PDE1C: variants seen among roughly 807,000 people sequenced by gnomAD.
PDE1C encodes the protein phosphodiesterase 1C.
PDE1C carries 62 observed loss-of-function variants against 93.1 expected under a neutral mutation model. The ratio of observed to expected loss-of-function variants is 0.67; its 90% CI spans 0.54 to 0.82. PDE1C has a LOEUF of 0.82. Among genes scored for constraint, PDE1C ranks in the 40% least tolerant of loss-of-function variants. The pLI is 0.00. For synonymous variants in PDE1C, 325 were observed against 310.1 expected, an observed-to-expected ratio of 1.05 and a Z score of -0.50; for missense variants, 742 against 884.6, an observed-to-expected ratio of 0.84 and a Z score of 2.04.
chr7:31,673,748 T>C, the PDE1C span, among the ~76,000 whole-genome samples: 1 of 152,016 alleles, frequency 6.6e-6, no homozygotes, highest in African/African-American at 2.4e-5. Context: ...TATTCAGTTG[T>C]CTCAACATCA....
chr7:31,704,323 A>G, the PDE1C span, among the ~76,000 whole-genome samples: 1 of 152,114 alleles, frequency 6.6e-6, no homozygotes, highest in South Asian at 2.1e-4. Context: ...TGCATGAACT[A>G]TTTTAGATGG....
chr7:32,152,963 T>C (rs1160052695), intron 3 of PDE1C, among the ~76,000 whole-genome samples: 3 of 152,234 alleles, frequency 2.0e-5, no homozygotes, highest in South Asian at 2.1e-4. Context: ...TCATCATTTA[T>C]CAGCAGTCTA....
chr7:32,212,391 T>C (rs1806112322), intron 1 of PDE1C, among the ~76,000 whole-genome samples: 1 of 152,114 alleles, frequency 6.6e-6, no homozygotes, highest in Non-Finnish European at 1.5e-5. Flanking sequence ...TCCAGACCAG[T>C]GGGACACCAG....
At chr7:31,764,866 A>G (rs1332898980) in intron 17 of PDE1C, among the ~76,000 whole-genome samples, 1 of 152,196 alleles carries the variant, frequency 6.6e-6, no homozygotes, top group East Asian at 1.9e-4. Flanking sequence ...TAACCTTCAT[A>G]AATCTTCCAT....
chr7:31,866,014 A>G (rs1048597175), intron 6 of PDE1C, among the ~76,000 whole-genome samples: 1 of 152,152 alleles, frequency 6.6e-6, no homozygotes, highest in South Asian at 2.1e-4. Flanking sequence ...TGAAATATGT[A>G]TAATATACAT....
At chr7:32,084,850 G>A (rs562240723) in intron 3 of PDE1C, among the ~76,000 whole-genome samples, 1 of 143,804 alleles carries the variant, frequency 7.0e-6, no homozygotes, top group African/African-American at 2.6e-5. Context: ...CGCATTCAAA[G>A]CAGTGTGTAG....
chr7:32,331,004 C>G (rs1425107875), intron 1 of PDE1C, among the ~76,000 whole-genome samples: 1 of 151,978 alleles, frequency 6.6e-6, no homozygotes, highest in Non-Finnish European at 1.5e-5. Flanking sequence ...GCACTTCTGA[C>G]CAGCAATGTC....
At chr7:32,269,151 C>A (rs941450842) in intron 1 of PDE1C, among the ~76,000 whole-genome samples, 3 of 152,184 alleles carry the variant, frequency 2.0e-5, no homozygotes, top group Non-Finnish European at 4.4e-5. Context: ...CAGGAAGCAA[C>A]CTCAATGTTG....
the PDE1C span, among the ~76,000 whole-genome samples, chr7:31,667,128 G>A: frequency 2.0e-5 from 3 of 152,146 alleles, no homozygotes; most frequent in African/African-American, 7.2e-5. Context: ...GGTGACAGAA[G>A]ATGGGGGCAC....
At chr7:31,974,723 A>T (rs1457394669) in intron 2 of PDE1C, among the ~76,000 whole-genome samples, 1 of 152,206 alleles carries the variant, frequency 6.6e-6, no homozygotes, top group Admixed American at 6.5e-5. Context: ...ATGTAAAACT[A>T]AGGCCTTAAA....
rs751320538 is a variant in PDE1C, at chr7:31,841,227, C to CTCTCTA, written c.981-3257_981-3256insTAGAGA. Among the ~76,000 whole-genome samples, 1,220 of 142,274 alleles carry CTCTCTA rather than the reference C, an allele frequency of 8.6e-3. 7 individuals carry two copies. The highest frequency in any genetic ancestry group is 9.2e-3 in the Non-Finnish European group (609 of 66,216). The allele number at this position is 142,274 out of a possible 152,430, so 93.3% of individuals were successfully genotyped here. A position where few individuals can be genotyped will look rare whatever the true frequency, so the allele number is the denominator to read the frequency against. On this transcript the variant is annotated intron_variant, in intron 9 of 17. Coordinates refer to ENST00000396191, the MANE Select transcript of PDE1C (RefSeq NM_001191057.4). ...TCTCTCTGTCTCTCTCTCTCTCTCT[C>CTCTCTA]TATATATATATATATATGTATATGT...
At chr7:32,404,293 T>G (rs1162426002) in intron 1 of PDE1C, among the ~76,000 whole-genome samples, 1 of 152,204 alleles carries the variant, frequency 6.6e-6, no homozygotes, top group Non-Finnish European at 1.5e-5. Context: ...ATGGAAGCTG[T>G]TCATTGTGAT....
intron 1 of PDE1C, among the ~76,000 whole-genome samples, chr7:32,345,132 C>G (rs170011): frequency 0.8 from 121,720 of 152,084 alleles, 49,073 homozygotes; most frequent in Admixed American, 0.85. Flanking sequence ...CACAGGGCCT[C>G]AGGATCCCCC....
chr7:32,223,228 GT>G (rs1233015972), intron 1 of PDE1C, among the ~76,000 whole-genome samples: 2 of 152,212 alleles, frequency 1.3e-5, no homozygotes, highest in East Asian at 3.8e-4. Context: ...CATTTCACTT[GT>G]TTTTCAAGCC....
chr7:32,201,425 T>C (rs1206141073), intron 2 of PDE1C, among the ~76,000 whole-genome samples: 1 of 152,322 alleles, frequency 6.6e-6, no homozygotes, highest in East Asian at 1.9e-4. Context: ...TCTAAGCGTG[T>C]ACACATGTAG....
chr7:31,680,872 G>A, the PDE1C span, among the ~76,000 whole-genome samples: 1 of 152,180 alleles, frequency 6.6e-6, no homozygotes, highest in Non-Finnish European at 1.5e-5. Context: ...GATAGGGTAA[G>A]TGTGGAAAAT....
chr7:32,382,293 T>C (rs1453912889), intron 1 of PDE1C, among the ~76,000 whole-genome samples: 4 of 152,318 alleles, frequency 2.6e-5, no homozygotes, highest in South Asian at 2.1e-4. Context: ...GCTGTATTCA[T>C]AGGGCTTCTG....
At chr7:31,658,470 G>C in the PDE1C span, 1 of 1,288,422 alleles carries the variant, frequency 7.8e-7, no homozygotes. Flanking sequence ...TTGTAAAGAG[G>C]TTAGAGTATC....
chr7:31,891,321 G>T (rs1188468155), intron 2 of PDE1C, among the ~76,000 whole-genome samples: 1 of 152,088 alleles, frequency 6.6e-6, no homozygotes, highest in East Asian at 1.9e-4. Flanking sequence ...AAGAGGTGGT[G>T]GTTTTAGTGG....
Sources: gnomAD v4.1 joint callset for allele counts (sites outside exome capture counted in the v4.1 genomes callset) on GRCh38, gnomAD v4.1.1 for gene constraint, MANE v1.5 for transcripts, NCBI Gene and HGNC (gene_info 2026-07-23, HGNC 2026-07-21) for gene names.